The following DMD variants were observed in gnomAD, a reference collection of about 807,000 sequenced individuals.
The protein encoded by DMD is mutant dystrophin.
Under a neutral mutation model 330.1 loss-of-function variants are expected in DMD, and 63 were observed. The observed-to-expected ratio is 0.19, with a 90% CI of 0.16 to 0.24. DMD has a LOEUF of 0.24. Ranked by LOEUF, DMD falls within the 10% of genes least tolerant of loss-of-function variation. The pLI is 1.00. For synonymous variants in DMD, 1,223 were observed against 959.8 expected, an observed-to-expected ratio of 1.27 and a Z score of -5.07; for missense variants, 3,344 against 2,684.1, an observed-to-expected ratio of 1.25 and a Z score of -5.43.
chrX:31,885,628 A>AG (rs1569497264), intron 47 of DMD, among the ~76,000 whole-genome samples: 10 of 75,710 alleles, frequency 1.3e-4, no homozygotes, highest in South Asian at 5.6e-4. Flanking sequence ...AAAAAAAAAA[A>AG]AAAAAAAAAG....
At chrX:32,684,687 A>G (rs2062721265) in intron 9 of DMD, among the ~76,000 whole-genome samples, 2 of 111,195 alleles carry the variant, frequency 1.8e-5, no homozygotes, top group South Asian at 7.4e-4. Context: ...TTGATTGTTT[A>G]TATTATATTT....
intron 60 of DMD, among the ~76,000 whole-genome samples, chrX:31,379,484 G>A (rs2060049433): frequency 9.0e-6 from 1 of 111,248 alleles, no homozygotes; most frequent in South Asian, 3.8e-4. Context: ...ACCCTAAAAG[G>A]TCAAAAGGCC....
intron 53 of DMD, among the ~76,000 whole-genome samples, chrX:31,661,212 A>G (rs774506092): frequency 1.2e-4 from 13 of 112,113 alleles, no homozygotes; most frequent in Non-Finnish European, 2.4e-4. Flanking sequence ...GTTATACCTA[A>G]GGAAATCTTG....
At chrX:32,553,069 A>G (rs764209992) in intron 16 of DMD, among the ~76,000 whole-genome samples, 121 of 112,188 alleles carry the variant, frequency 1.1e-3, no homozygotes, top group African/African-American at 3.8e-3. Context: ...ATTATTGGGT[A>G]TACCAAGAAG....
intron 60 of DMD, among the ~76,000 whole-genome samples, chrX:31,417,487 C>T (rs2061933276): frequency 9.2e-6 from 1 of 109,026 alleles, no homozygotes; most frequent in Admixed American, 9.8e-5. Flanking sequence ...AGACGAGTTT[C>T]ACCATGTTGG....
intron 17 of DMD, among the ~76,000 whole-genome samples, chrX:32,530,450 C>A (rs895841451): frequency 4.5e-5 from 5 of 112,100 alleles, no homozygotes; most frequent in African/African-American, 3.2e-5. Context: ...AATCTTCCTA[C>A]CTTAATTTGG....
chrX:33,086,629 T>A (rs2095010336), intron 1 of DMD, among the ~76,000 whole-genome samples: 1 of 110,601 alleles, frequency 9.0e-6, no homozygotes, highest in Non-Finnish European at 1.9e-5. Flanking sequence ...GAATTGCTAA[T>A]TAATACTTCC....
At chrX:32,054,558 T>C in intron 44 of DMD, among the ~76,000 whole-genome samples, 2 of 109,192 alleles carry the variant, frequency 1.8e-5, no homozygotes, top group Non-Finnish European at 3.8e-5. Flanking sequence ...CTGTGCACAT[T>C]ATTTTCACTT....
chrX:33,104,386 T>A (rs1887303509), intron 1 of DMD, among the ~76,000 whole-genome samples: 1 of 111,409 alleles, frequency 9.0e-6, no homozygotes, highest in South Asian at 3.8e-4. Flanking sequence ...GTTCCTGCCT[T>A]AACTGATGAC....
chrX:33,190,191 T>A (rs1297993442), intron 1 of DMD, among the ~76,000 whole-genome samples: 1 of 109,623 alleles, frequency 9.1e-6, no homozygotes, highest in Non-Finnish European at 1.9e-5. Context: ...GAAATATTAT[T>A]ATTATAAAAT....
At chrX:32,605,377 TA>T (rs2056605125) in intron 12 of DMD, among the ~76,000 whole-genome samples, 1 of 110,275 alleles carries the variant, frequency 9.1e-6, no homozygotes, top group Non-Finnish European at 1.9e-5. Context: ...AACTGGGTCA[TA>T]AATCACCATA....
At chrX:32,751,409 C>A (rs1443588026) in intron 7 of DMD, among the ~76,000 whole-genome samples, 1 of 111,474 alleles carries the variant, frequency 9.0e-6, no homozygotes, top group African/African-American at 3.3e-5. Context: ...GCATTTTGCT[C>A]CTGCCCTAGA....
At chrX:31,164,291 A>G (rs765621881) in intron 74 of DMD, among the ~76,000 whole-genome samples, 2 of 110,924 alleles carry the variant, frequency 1.8e-5, no homozygotes, top group Non-Finnish European at 3.8e-5. Context: ...TCAGAGTTCT[A>G]TCTCTCAGAC....
chrX:32,649,975 T>G (rs1250666058), intron 9 of DMD, among the ~76,000 whole-genome samples: 1 of 111,210 alleles, frequency 9.0e-6, no homozygotes, highest in East Asian at 2.8e-4. Flanking sequence ...GCAATGCCTG[T>G]GTTTGGGGGC....
chrX:32,549,697 G>A (rs2049329140), intron 16 of DMD, among the ~76,000 whole-genome samples: 1 of 111,166 alleles, frequency 9.0e-6, no homozygotes, highest in Non-Finnish European at 1.9e-5. Context: ...AGAAAAATTG[G>A]AAGAGCATTT....
chrX:31,600,725 CT>C lies in DMD; in HGVS notation c.8217+26947del, dbSNP rs1380526719. ...ATTGATTCCCTTCATCTCTTTTTCC[CT>C]GAGTATCATTTCGAGGCAAATTCTG... On this transcript the variant is annotated intron_variant, in intron 55 of 78. Coordinates refer to ENST00000357033, the MANE Select transcript of DMD (RefSeq NM_004006.3). 3.7e-5 allele frequency among the ~76,000 whole-genome samples: 4 copies of C among 108,782 alleles called. No homozygotes were observed. In the East Asian group the frequency reaches 1.2e-3, roughly 31 times the overall value. The allele number at this position is 108,782 out of a possible 115,157, so 94.5% of individuals were successfully genotyped here. A position where few individuals can be genotyped will look rare whatever the true frequency, so the allele number is the denominator to read the frequency against.
chrX:32,876,014 T>A (rs2083348459), intron 2 of DMD, among the ~76,000 whole-genome samples: 1 of 112,006 alleles, frequency 8.9e-6, no homozygotes, highest in African/African-American at 3.2e-5. Context: ...TTCTCACTGC[T>A]ACACCTATCA....
chrX:31,690,618 G>C (rs918190477), intron 52 of DMD, among the ~76,000 whole-genome samples: 4 of 112,003 alleles, frequency 3.6e-5, no homozygotes, highest in Non-Finnish European at 7.5e-5. Flanking sequence ...CCATTACTGG[G>C]TATATACCCA....
intron 9 of DMD, among the ~76,000 whole-genome samples, chrX:32,675,556 A>C (rs2061911910): frequency 9.0e-6 from 1 of 111,623 alleles, no homozygotes; most frequent in Non-Finnish European, 1.9e-5. Context: ...CTTTTAGTAA[A>C]TCATGAAGTG....
Sources: gnomAD v4.1 joint callset for allele counts (sites outside exome capture counted in the v4.1 genomes callset) on GRCh38, gnomAD v4.1.1 for gene constraint, MANE v1.5 for transcripts, NCBI Gene and HGNC (gene_info 2026-07-23, HGNC 2026-07-21) for gene names.